ATOSA: variants seen among roughly 807,000 people sequenced by gnomAD.
The protein encoded by ATOSA is atos homolog protein A.
At chr15:52,627,592 C>T in the ATOSA span, among the ~76,000 whole-genome samples, 1 of 151,816 alleles carries the variant, frequency 6.6e-6, no homozygotes, top group Non-Finnish European at 1.5e-5. Context: ...TCACATATTA[C>T]AAGACAGGAA....
chr15:52,593,536 G>C, the ATOSA span: 4 of 1,500,424 alleles, frequency 2.7e-6, no homozygotes, highest in African/African-American at 5.6e-5. Flanking sequence ...TCATTAAGTT[G>C]GTTGATTTGG....
chr15:52,597,408 AC>A, the ATOSA span, among the ~76,000 whole-genome samples: 4 of 152,226 alleles, frequency 2.6e-5, no homozygotes, highest in Non-Finnish European at 5.9e-5. Flanking sequence ...GAATAAACAA[AC>A]TGTGGTCTAT....
the ATOSA span, chr15:52,600,949 C>T: frequency 0.11 from 64,015 of 609,128 alleles, 4,943 homozygotes; most frequent in East Asian, 0.34. Flanking sequence ...TTAATAACTG[C>T]GTGTGTACAT....
the ATOSA span, among the ~76,000 whole-genome samples, chr15:52,591,527 A>C: frequency 2.0e-5 from 3 of 152,126 alleles, no homozygotes; most frequent in Non-Finnish European, 4.4e-5. Flanking sequence ...TGGGATTCAG[A>C]TATGAGCCAC....
At chr15:52,612,856 T>G in the ATOSA span, among the ~76,000 whole-genome samples, 2 of 151,626 alleles carry the variant, frequency 1.3e-5, no homozygotes, top group Non-Finnish European at 2.9e-5. Context: ...TTTGAGAAAC[T>G]AATAAGTGGG....
the ATOSA span, among the ~76,000 whole-genome samples, chr15:52,606,293 C>A: frequency 1.3e-4 from 20 of 152,006 alleles, no homozygotes; most frequent in East Asian, 5.8e-4. Context: ...TGACGTGATA[C>A]AAGAAACAGG....
At chr15:52,623,019 G>A in the ATOSA span, among the ~76,000 whole-genome samples, 6 of 151,116 alleles carry the variant, frequency 4.0e-5, no homozygotes, top group African/African-American at 1.2e-4. Context: ...ATAAAGCCAG[G>A]TGTGTAACAT....
the ATOSA span, among the ~76,000 whole-genome samples, chr15:52,670,198 T>C: frequency 2.0e-5 from 3 of 152,232 alleles, no homozygotes; most frequent in Non-Finnish European, 2.9e-5. Context: ...CTTTCATGCT[T>C]GTTCCAACCA....
At chr15:52,706,041 AC>A in the ATOSA span, among the ~76,000 whole-genome samples, 1 of 152,196 alleles carries the variant, frequency 6.6e-6, no homozygotes, top group African/African-American at 2.4e-5. Context: ...TGTGAAACAA[AC>A]AAACAAAAAA....
At chr15:52,582,146 A>G in the ATOSA span, 1 of 1,554,192 alleles carries the variant, frequency 6.4e-7, no homozygotes, top group African/African-American at 1.4e-5. Flanking sequence ...TTAAATCATC[A>G]CTCCTTATCA....
chr15:52,664,377 C>T, the ATOSA span, among the ~76,000 whole-genome samples: 3 of 152,202 alleles, frequency 2.0e-5, no homozygotes, highest in African/African-American at 4.8e-5. Flanking sequence ...AACTTGTTTT[C>T]GTAGAAAGCT....
the ATOSA span, among the ~76,000 whole-genome samples, chr15:52,637,769 G>T: frequency 6.6e-6 from 1 of 152,144 alleles, no homozygotes; most frequent in East Asian, 1.9e-4. Flanking sequence ...AAACAGAGGT[G>T]AAGCCTCCCT....
At chr15:52,674,213 C>T in the ATOSA span, among the ~76,000 whole-genome samples, 1 of 152,016 alleles carries the variant, frequency 6.6e-6, no homozygotes. Flanking sequence ...ACTAAGACCA[C>T]ATTTTATTTA....
the ATOSA span, among the ~76,000 whole-genome samples, chr15:52,606,523 A>G: frequency 2.0e-5 from 3 of 152,192 alleles, no homozygotes; most frequent in African/African-American, 7.2e-5. Context: ...GGATTAAGTA[A>G]GCCAACATGT....
chr15:52,660,457 T>A, the ATOSA span, among the ~76,000 whole-genome samples: 1 of 152,206 alleles, frequency 6.6e-6, no homozygotes, highest in South Asian at 2.1e-4. Context: ...TGCCTTCTCA[T>A]CCTCTGCTCA....
the ATOSA span, among the ~76,000 whole-genome samples, chr15:52,671,808 G>A: frequency 6.6e-6 from 1 of 151,290 alleles, no homozygotes; most frequent in African/African-American, 2.4e-5. Flanking sequence ...GGCTTTTTAG[G>A]CAGAAGGAAT....
the ATOSA span, among the ~76,000 whole-genome samples, chr15:52,696,893 G>T: frequency 1.8e-4 from 27 of 151,402 alleles, no homozygotes; most frequent in African/African-American, 5.8e-4. Flanking sequence ...ATATTCTGGG[G>T]GATTCATGGG....
chr15:52,662,060 T>A, the ATOSA span, among the ~76,000 whole-genome samples: 2 of 151,990 alleles, frequency 1.3e-5, no homozygotes, highest in African/African-American at 4.8e-5. Flanking sequence ...GTCAAAGAGG[T>A]TGGTGATTAT....
At chr15:52,609,258 G>A in the ATOSA span, 1 of 1,613,648 alleles carries the variant, frequency 6.2e-7, no homozygotes, top group South Asian at 1.1e-5. Context: ...CATCACTGAT[G>A]TCTCCTAACA....
Sources: allele counts gnomAD v4.1 joint callset (sites outside exome capture counted in the v4.1 genomes callset), GRCh38; gene constraint gnomAD v4.1.1; transcripts MANE v1.5; gene names NCBI Gene and HGNC (gene_info 2026-07-23, HGNC 2026-07-21).